The following SLC26A4 variants were observed in gnomAD, a reference collection of about 807,000 sequenced individuals.
SLC26A4 encodes pendrin.
A neutral mutation model predicts 90.4 loss-of-function variants in SLC26A4; 93 were observed. That is an observed-to-expected ratio of 1.03 (90% CI 0.87 to 1.22). SLC26A4 has a LOEUF of 1.22. Among genes scored for constraint, SLC26A4 ranks in the 50% most tolerant of loss-of-function variants. The pLI, the probability that SLC26A4 is intolerant of heterozygous loss-of-function variation, is 0.00. For missense variants in SLC26A4, 1,127 were observed against 946.2 expected, an observed-to-expected ratio of 1.19 and a Z score of -2.51; for synonymous variants, 393 against 354.6, an observed-to-expected ratio of 1.11 and a Z score of -1.22.
At chr7:107,686,149 C>T (rs976388662) in intron 8 of SLC26A4, among the ~76,000 whole-genome samples, 2 of 151,502 alleles carry the variant, frequency 1.3e-5, no homozygotes, top group Admixed American at 1.3e-4. Flanking sequence ...AGATTGACGG[C>T]TCTGTCCTCT....
At chr7:107,690,361 C>A (rs1256075567) in intron 10 of SLC26A4, 124 bp downstream of exon 10, 1 of 714,610 alleles carries the variant, frequency 1.4e-6, no homozygotes, top group African/African-American at 1.7e-5. Context: ...TAATCTGATT[C>A]ACCTCAGGCC....
chr7:107,664,921 T>G (rs1412824795), intron 3 of SLC26A4, among the ~76,000 whole-genome samples: 1 of 152,170 alleles, frequency 6.6e-6, no homozygotes, highest in East Asian at 1.9e-4. Context: ...CCTAATATGT[T>G]CCAGGCACTA....
chr7:107,681,713 A>G (rs1238107869), intron 6 of SLC26A4, among the ~76,000 whole-genome samples: 1 of 152,170 alleles, frequency 6.6e-6, no homozygotes, highest in Non-Finnish European at 1.5e-5. Flanking sequence ...ATTTCCTTGA[A>G]AACACCCTTG....
intron 18 of SLC26A4, among the ~76,000 whole-genome samples, chr7:107,707,084 C>G (rs1183927685): frequency 2.0e-5 from 3 of 152,138 alleles, no homozygotes; most frequent in Non-Finnish European, 4.4e-5. Context: ...TAGCAGTGAG[C>G]CCAGATGGTG....
Position 107,690,219 on chromosome 7 carries a change from C to G in SLC26A4, c.1245C>G (p.Ser415Arg). The change falls in exon 10 of 21, where the codon AGC (serine) becomes AGG (arginine). Residue 415 changes from serine (S) to arginine (R), a missense_variant. Transcript: ENST00000644269. ...TALSRTAVQE[S>R]TGGKTQVAGI... is the part of the protein sequence containing the mutation. ...TTTCCCGCACGGCCGTCCAGGAGAG[C>G]ACTGGAGGAAAGACACAGGTAGGAA... 6.2e-7 allele frequency: 1 copy of G among 1,603,420 alleles called. No individual in the cohort carries two copies. The highest frequency in any genetic ancestry group is 8.5e-7 in the Non-Finnish European group (1 of 1,170,286).
intron 4 of SLC26A4, 62 bp downstream of exon 4, chr7:107,672,310 A>C: frequency 1.0e-6 from 1 of 957,228 alleles, no homozygotes; most frequent in Non-Finnish European, 1.6e-6. Context: ...GGCTATATTA[A>C]GTGCATTATA....
rs1231676256 is a variant in SLC26A4, at chr7:107,671,140, C to A, written c.305-998C>A. 3.9e-5 allele frequency among the ~76,000 whole-genome samples: 6 copies of A among 152,210 alleles called. No homozygotes were observed. In the East Asian group the frequency reaches 1.2e-3, roughly 29 times the overall value. On this transcript the variant is annotated intron_variant, in intron 3 of 20. Transcript: ENST00000644269. ...GCCTCTGTGCAAAACTGGTCTGAGC[C>A]TTTGGAGTGAATTGACCAAAACTTT... is the stretch of plus-strand genomic sequence containing the variant.
At chr7:107,689,546 A>G (rs567736136) in intron 9 of SLC26A4, among the ~76,000 whole-genome samples, 2 of 152,346 alleles carry the variant, frequency 1.3e-5, no homozygotes, top group Non-Finnish European at 2.9e-5. Context: ...TAATGTGACA[A>G]AACAGTGCAA....
At chr7:107,690,805 T>G (rs931814942) in intron 10 of SLC26A4, among the ~76,000 whole-genome samples, 2 of 152,128 alleles carry the variant, frequency 1.3e-5, no homozygotes, top group African/African-American at 4.8e-5. Context: ...ATCTTTTAAA[T>G]GTGGTTTGCA....
chr7:107,661,337 T>A lies in SLC26A4; in HGVS notation c.-3-302T>A. The A allele has an allele frequency of 2.0e-6, 1 of 512,722 alleles. No homozygotes were observed. Among genetic ancestry groups the A allele is most frequent in the South Asian group, 2.2e-5 (1 of 46,504 alleles). 31.8% of individuals were successfully genotyped at this position (512,722 alleles called of 1,614,324 possible). On this transcript the variant is annotated intron_variant, in intron 1 of 20. Coordinates refer to ENST00000644269, the MANE Select transcript of SLC26A4 (RefSeq NM_000441.2). The surrounding 1 kb of genome is among the most constrained non-coding windows in gnomAD (Gnocchi z 5.1). ...GCCCTGGCTGCGGGCCATAGGGGAC[T>A]GGGTGGAACTCGGGAAGCCCCCAGA...
intron 8 of SLC26A4, among the ~76,000 whole-genome samples, chr7:107,686,279 T>G (rs2129315122): frequency 1.6e-5 from 2 of 126,554 alleles, no homozygotes; most frequent in African/African-American, 2.9e-5. Flanking sequence ...CTTCCCTCCC[T>G]TCCCTCCCTT....
intron 18 of SLC26A4, among the ~76,000 whole-genome samples, chr7:107,706,195 A>G (rs1160315438): frequency 6.6e-6 from 1 of 152,232 alleles, no homozygotes; most frequent in Non-Finnish European, 1.5e-5. Flanking sequence ...ATGGTAGACC[A>G]ATTTGTTTAC....
chr7:107,677,265 A>G (rs13232692), intron 6 of SLC26A4, among the ~76,000 whole-genome samples: 85,106 of 151,950 alleles, frequency 0.56, 25,140 homozygotes, highest in African/African-American at 0.75. Context: ...TTGAGTTGGC[A>G]TCTTGGTTCT....
At chr7:107,704,423 T>C (rs1383943185) in intron 18 of SLC26A4, 38 bp downstream of exon 18, 2 of 909,766 alleles carry the variant, frequency 2.2e-6, no homozygotes, top group Admixed American at 3.6e-5. Flanking sequence ...TGTAAGACTT[T>C]CCCGTAAGCC....
At chr7:107,671,303 C>T (rs1298282785) in intron 3 of SLC26A4, among the ~76,000 whole-genome samples, 5 of 152,096 alleles carry the variant, frequency 3.3e-5, no homozygotes, top group Non-Finnish European at 7.4e-5. Flanking sequence ...ACTAGGACTA[C>T]AGGCGTGAAC....
intron 3 of SLC26A4, among the ~76,000 whole-genome samples, chr7:107,669,901 C>T (rs1790817813): frequency 6.6e-6 from 1 of 152,044 alleles, no homozygotes; most frequent in Non-Finnish European, 1.5e-5. Flanking sequence ...AAATAATAAG[C>T]ACCAAATTCA....
At chr7:107,694,814 TG>T in intron 12 of SLC26A4, 98 bp downstream of exon 12, 1 of 865,560 alleles carries the variant, frequency 1.2e-6, no homozygotes, top group Non-Finnish European at 2.0e-6. Context: ...AAGTCTCACT[TG>T]TGCTTTGGGA....
At chr7:107,684,926 C>G (rs951875153) in intron 8 of SLC26A4, among the ~76,000 whole-genome samples, 1 of 152,126 alleles carries the variant, frequency 6.6e-6, no homozygotes, top group African/African-American at 2.4e-5. Flanking sequence ...CATCCGTGTT[C>G]CATTAGTTGG....
intron 3 of SLC26A4, among the ~76,000 whole-genome samples, chr7:107,664,883 A>T (rs73191611): frequency 0.045 from 6,806 of 152,174 alleles, 178 homozygotes; most frequent in Middle Eastern, 0.068. Context: ...AAACAGAAAT[A>T]TCGTTATTTA....
Sources: gnomAD v4.1 joint callset for allele counts (sites outside exome capture counted in the v4.1 genomes callset) on GRCh38, gnomAD v4.1.1 for gene constraint, Gnocchi (gnomAD v3.1) non-coding constraint, MANE v1.5 for transcripts, NCBI Gene and HGNC (gene_info 2026-07-23, HGNC 2026-07-21) for gene names.